The following NRXN1 variants were observed in gnomAD, a reference collection of about 807,000 sequenced individuals.
NRXN1 encodes neurexin 1.
In NRXN1, 39 loss-of-function variants were observed where a neutral mutation model predicts 150.9. That is an observed-to-expected ratio of 0.26 (90% confidence interval 0.20 to 0.34). The LOEUF is 0.34. Ranked by LOEUF, NRXN1 falls within the 10% of genes least tolerant of loss-of-function variation. The pLI is 1.00. For synonymous variants in NRXN1, 924 were observed against 757.0 expected, an observed-to-expected ratio of 1.22 and a Z score of -3.62; for missense variants, 1,815 against 1,949.9, an observed-to-expected ratio of 0.93 and a Z score of 1.30.
At chr2:50,536,544 G>A (rs2093264879) in intron 10 of NRXN1, among the ~76,000 whole-genome samples, 2 of 152,106 alleles carry the variant, frequency 1.3e-5, no homozygotes, top group African/African-American at 4.8e-5. Flanking sequence ...GGTACACCAC[G>A]CATAGTTAAC....
intron 18 of NRXN1, among the ~76,000 whole-genome samples, chr2:50,108,613 T>C (rs1701979246): frequency 1.3e-5 from 2 of 152,100 alleles, no homozygotes; most frequent in Non-Finnish European, 2.9e-5. Context: ...AGATAAATTC[T>C]ATAAAGGTAT....
At chr2:50,485,684 C>T (rs887297816) in intron 15 of NRXN1, among the ~76,000 whole-genome samples, 1 of 152,194 alleles carries the variant, frequency 6.6e-6, no homozygotes, top group African/African-American at 2.4e-5. Flanking sequence ...TGCCTAGAGA[C>T]AGGTCAGCCC....
At chr2:50,199,209 G>A (rs1487674487) in intron 18 of NRXN1, 1 of 152,136 alleles carries the variant, frequency 6.6e-6, no homozygotes, top group Non-Finnish European at 1.5e-5. Context: ...TCAGAAATAT[G>A]TTTGGAAAGA....
chr2:50,035,696 A>G (rs1441323817), intron 21 of NRXN1, among the ~76,000 whole-genome samples: 1 of 152,168 alleles, frequency 6.6e-6, no homozygotes, highest in Non-Finnish European at 1.5e-5. Flanking sequence ...GTGTTAATGC[A>G]TAACAGACCC....
intron 19 of NRXN1, among the ~76,000 whole-genome samples, chr2:50,060,459 G>T (rs577582289): frequency 6.6e-6 from 1 of 152,134 alleles, no homozygotes. Context: ...TGAGACTTTG[G>T]ACTGTGGACT....
rs189537091 is a variant in NRXN1 at position 50,397,981 on chromosome 2, A to G, written c.3364+67461T>C. ...GACACTCAAAACAAGATAAAATCTT[A>G]CAGATAATGTGAATACATTATTAGT... is the stretch of plus-strand genomic sequence containing the variant. On this transcript the variant is annotated intron_variant, in intron 17 of 22. Transcript: ENST00000401669. Among the ~76,000 whole-genome samples the G allele has an allele frequency of 2.0e-4, 30 of 152,326 alleles. No homozygotes were observed. In the East Asian group the frequency reaches 5.4e-3, roughly 27 times the overall value.
intron 8 of NRXN1, among the ~76,000 whole-genome samples, chr2:50,611,776 G>A (rs1036507513): frequency 6.6e-6 from 1 of 152,154 alleles, no homozygotes; most frequent in East Asian, 1.9e-4. Context: ...AAAGTGTGCA[G>A]GCTGCCAGAG....
chr2:50,357,302 A>ATTTTTTTTTTT (rs10597647), intron 17 of NRXN1, among the ~76,000 whole-genome samples: 4 of 142,900 alleles, frequency 2.8e-5, no homozygotes, highest in African/African-American at 1.1e-4. Context: ...TTATTTATTT[A>ATTTTTTTTTTT]TTTTTTTTTT....
At chr2:50,500,575 C>T (rs909046476) in intron 13 of NRXN1, among the ~76,000 whole-genome samples, 1 of 152,046 alleles carries the variant, frequency 6.6e-6, no homozygotes, top group African/African-American at 2.4e-5. Context: ...TATAAGACTT[C>T]GAAGGGGAAA....
chr2:50,671,808 T>C (rs1574048175), intron 5 of NRXN1, among the ~76,000 whole-genome samples: 1 of 151,862 alleles, frequency 6.6e-6, no homozygotes, highest in Non-Finnish European at 1.5e-5. Flanking sequence ...CTAGTAAGTA[T>C]ATAATAGTTG....
At chr2:50,869,686 A>C (rs1309255221) in intron 5 of NRXN1, among the ~76,000 whole-genome samples, 3 of 151,752 alleles carry the variant, frequency 2.0e-5, no homozygotes, top group East Asian at 1.9e-4. Flanking sequence ...TTAATTATTT[A>C]ATTTGTCTAA....
intron 21 of NRXN1, among the ~76,000 whole-genome samples, chr2:49,950,159 T>C (rs778262588): frequency 1.3e-5 from 2 of 151,898 alleles, no homozygotes; most frequent in African/African-American, 2.4e-5. Flanking sequence ...AATGTGTATA[T>C]AGGTATATGA....
chr2:50,522,876 C>T (rs1021370741), intron 12 of NRXN1, among the ~76,000 whole-genome samples: 5 of 147,956 alleles, frequency 3.4e-5, no homozygotes, highest in African/African-American at 1.3e-4. Flanking sequence ...GGATTATAGG[C>T]ACCTGCCACT....
intron 17 of NRXN1, among the ~76,000 whole-genome samples, chr2:50,396,513 G>A (rs1341403168): frequency 6.6e-6 from 1 of 152,050 alleles, no homozygotes; most frequent in Non-Finnish European, 1.5e-5. Context: ...TGAATTTTTT[G>A]TTATCAAGAG....
At chr2:50,941,235 T>C (rs1689393888) in intron 2 of NRXN1, among the ~76,000 whole-genome samples, 2 of 152,174 alleles carry the variant, frequency 1.3e-5, no homozygotes, top group Admixed American at 6.5e-5. Context: ...TCTTTATGAA[T>C]TACCGAGTCT....
chr2:49,921,697 G>C lies in NRXN1; in HGVS notation c.*247C>G. ...TGTTCCAGCAACATAAAGACAAGCAGAGTAAATGAAAACACTGTGGATGTT... is the reference window on the plus strand; with the variant it reads ...TGTTCCAGCAACATAAAGACAAGCACAGTAAATGAAAACACTGTGGATGTT... On this transcript the variant is annotated 3_prime_UTR_variant, in exon 23 of 23. Coordinates refer to ENST00000401669, the MANE Select transcript of NRXN1 (RefSeq NM_001330078.2). 1 of 504,796 alleles carries C rather than the reference G, an allele frequency of 2.0e-6. No individual in the cohort carries two copies. The highest frequency in any genetic ancestry group is 3.6e-5 in the East Asian group (1 of 28,094). 31.3% of individuals were successfully genotyped at this position (504,796 alleles called of 1,614,324 possible).
At chr2:50,191,780 C>G (rs866295968) in intron 18 of NRXN1, among the ~76,000 whole-genome samples, 1 of 152,150 alleles carries the variant, frequency 6.6e-6, no homozygotes, top group Non-Finnish European at 1.5e-5. Flanking sequence ...TTTATTGTTG[C>G]ATAGTATTCC....
At position 50,707,300 on chromosome 2, in the gene NRXN1, A is replaced by G. The variant is rs371173020; in HGVS notation, c.833-83685T>C. ...TTGTCTTTTGAATCAGAACCCAGTTAGCCCCTCGCACATTTACAAAATTGC... is the reference window on the plus strand; with the variant it reads ...TTGTCTTTTGAATCAGAACCCAGTTGGCCCCTCGCACATTTACAAAATTGC... On this transcript the variant is annotated intron_variant, in intron 5 of 22. Transcript: ENST00000401669. Among the ~76,000 whole-genome samples, 3 of 152,274 alleles carry G rather than the reference A, an allele frequency of 2.0e-5. No individual in the cohort carries two copies. The South Asian group carries it at 6.2e-4, about 32-fold the overall frequency.
At chr2:50,664,486 C>T (rs145903672) in intron 5 of NRXN1, among the ~76,000 whole-genome samples, 1 of 148,046 alleles carries the variant, frequency 6.8e-6, no homozygotes, top group African/African-American at 2.5e-5. Context: ...GGGTTTTTTT[C>T]TCTACATTGA....
Sources: allele counts gnomAD v4.1 joint callset (sites outside exome capture counted in the v4.1 genomes callset), GRCh38; gene constraint gnomAD v4.1.1; transcripts MANE v1.5; gene names NCBI Gene and HGNC (gene_info 2026-07-23, HGNC 2026-07-21).